Variants in ZNF518A observed in about 807,000 individuals in gnomAD.
ZNF518A encodes zinc finger protein 518.
ZNF518A carries 47 observed loss-of-function variants against 102.7 expected under a neutral mutation model. That is an observed-to-expected ratio of 0.46 (90% CI 0.36 to 0.58). The LOEUF (loss-of-function observed/expected upper bound fraction) is 0.58. ZNF518A is among the 20% of genes least tolerant of loss of function. The pLI, the probability that ZNF518A is intolerant of heterozygous loss-of-function variation, is 0.00. For synonymous variants in ZNF518A, 652 were observed against 594.6 expected (o/e 1.10, Z -1.40); for missense variants, 1,793 against 1,699.8 (o/e 1.05, Z -0.96).
At chr10:96,148,182 G>A (rs1335819655) in intron 3 of ZNF518A, among the ~76,000 whole-genome samples, 1 of 152,184 alleles carries the variant, frequency 6.6e-6, no homozygotes, top group Non-Finnish European at 1.5e-5. Context: ...GCTCACGCCT[G>A]TAATCCCAGC....
chr10:96,203,843 A>G, intron 2 of ZNF518A: 1 of 432,056 alleles, frequency 2.3e-6, no homozygotes, highest in Middle Eastern at 6.2e-4. Flanking sequence ...GCTACTAAAA[A>G]AAGTAAAAAT....
Position 96,158,757 on chromosome 10 carries a change from A to G in ZNF518A, c.2435A>G (p.His812Arg), listed in dbSNP as rs149606048. The G allele has an allele frequency of 6.1e-3, 9,883 of 1,613,452 alleles. 51 individuals are homozygous for G. The highest frequency in any genetic ancestry group is 7.2e-3 in the Non-Finnish European group (8,517 of 1,179,566). ...ACTCCAAATAAAGGCTTGCCACTTCATTGTGACCAGTCATTTCAAAAACAC... is the reference window on the plus strand; with the variant it reads ...ACTCCAAATAAAGGCTTGCCACTTCGTTGTGACCAGTCATTTCAAAAACAC... ...SNTPNKGLPL[H>R]CDQSFQKHER... The change falls in exon 6 of 6, where the codon CAT becomes CGT. Residue 812 changes from histidine (H) to arginine (R), a missense_variant. His to Arg is a conservative substitution (Grantham distance 29). This residue lies in a region of ZNF518A where 1,741 missense variants were observed against 1,622.6 expected (regional missense o/e 1.07). Transcript: ENST00000316045.
chr10:96,177,438 G>C (rs1353137237), intron 1 of ZNF518A, among the ~76,000 whole-genome samples: 2 of 152,160 alleles, frequency 1.3e-5, no homozygotes, highest in Non-Finnish European at 2.9e-5. Flanking sequence ...AAGGAATTAA[G>C]AGCACTGGAC....
At chr10:96,173,484 G>A (rs1386894990) in intron 1 of ZNF518A, among the ~76,000 whole-genome samples, 1 of 152,024 alleles carries the variant, frequency 6.6e-6, no homozygotes, top group Non-Finnish European at 1.5e-5. Context: ...TAGACTGAGG[G>A]GATGAAACAA....
At chr10:96,153,763 G>A (rs78407012) in intron 3 of ZNF518A, among the ~76,000 whole-genome samples, 5,939 of 152,214 alleles carry the variant, frequency 0.039, 163 homozygotes, top group Non-Finnish European at 0.06. Flanking sequence ...ATGAAAACTC[G>A]AGTAGCACAG....
At chr10:96,183,757 G>C (rs954093916) in intron 1 of ZNF518A, among the ~76,000 whole-genome samples, 2 of 152,220 alleles carry the variant, frequency 1.3e-5, no homozygotes, top group African/African-American at 4.8e-5. Flanking sequence ...TTTGGAATAA[G>C]TGCAATGTGG....
chr10:96,138,836 C>T (rs1184052541), intron 3 of ZNF518A, among the ~76,000 whole-genome samples: 2 of 151,386 alleles, frequency 1.3e-5, no homozygotes, highest in Admixed American at 6.6e-5. Flanking sequence ...ACTTATATTC[C>T]GGTGGTAGAG....
intron 3 of ZNF518A, among the ~76,000 whole-genome samples, chr10:96,145,359 C>T (rs11188626): frequency 0.24 from 36,479 of 152,180 alleles, 5,641 homozygotes; most frequent in Middle Eastern, 0.36. Flanking sequence ...CGTGAGCCAC[C>T]GCTCCTGGTC....
At position 96,157,272 on chromosome 10, in the gene ZNF518A, GAT is replaced by G; in HGVS notation, c.954_955del (p.Tyr318Ter). On this transcript the variant is annotated frameshift_variant, in exon 6 of 6. Coordinates refer to ENST00000316045, the MANE Select transcript of ZNF518A (RefSeq NM_001330736.2). LOFTEE classifies it high-confidence loss of function. Reference sequence around the variant, plus strand: ...GCAGGACTTAAGCTAATACTGAAAAGATATAAAATAGGTGCATCAAGGAAGAC... The same window carrying G: ...GCAGGACTTAAGCTAATACTGAAAAGATAAAATAGGTGCATCAAGGAAGAC... 1 of 1,611,976 alleles carries G rather than the reference GAT, an allele frequency of 6.2e-7. No homozygotes were observed. Among genetic ancestry groups the G allele is most frequent in the Non-Finnish European group, 8.5e-7 (1 of 1,179,036 alleles).
In ZNF518A at chr10:96,158,473, A is replaced by G. The variant is rs782620173; in HGVS notation, c.2151A>G (p.Glu717=). Residue 717 remains glutamate, a synonymous_variant, in exon 6 of 6, where the codon GAA becomes GAG. Coordinates refer to ENST00000316045, the MANE Select transcript of ZNF518A (RefSeq NM_001330736.2). ...DGTLKAKSEI[E]EQYVLEKGQN... ...CTTTAAAAGCAAAATCTGAAATTGA[A>G]GAACAGTATGTTTTAGAAAAAGGAC... is the stretch of plus-strand genomic sequence containing the variant. 1.2e-5 allele frequency: 19 copies of G among 1,612,536 alleles called. No homozygotes were observed. The Admixed American group carries it at 3.2e-4, about 27-fold the overall frequency.
chr10:96,158,339 G>A lies in ZNF518A; in HGVS notation c.2017G>A (p.Val673Ile). The change falls in exon 6 of 6, where the codon GTT (valine) becomes ATT (isoleucine). Residue 673 changes from valine (V) to isoleucine (I), a missense_variant. Val to Ile is a conservative substitution (Grantham distance 29, BLOSUM62 3). Transcript: ENST00000316045. The stretch of plus-strand genomic sequence containing the variant: ...AAGAGAATCTTCATCCAGCAAAACA[G>A]TTGTCCAACAACCAATTAGTGAATC... ...PQRESSSSKT[V>I]VQQPISESFL... The A allele has an allele frequency of 6.2e-7, 1 of 1,613,708 alleles. No individual in the cohort carries two copies. The highest frequency in any genetic ancestry group is 8.5e-7 in the Non-Finnish European group (1 of 1,179,748).
chr10:96,185,734 G>T (rs1206672973), intron 1 of ZNF518A, among the ~76,000 whole-genome samples: 1 of 152,156 alleles, frequency 6.6e-6, no homozygotes, highest in African/African-American at 2.4e-5. Flanking sequence ...GCCCCTACTG[G>T]GAGGTGTCTC....
chr10:96,134,422 C>T (rs1219183689), intron 3 of ZNF518A, among the ~76,000 whole-genome samples: 3 of 151,984 alleles, frequency 2.0e-5, no homozygotes, highest in African/African-American at 7.3e-5. Context: ...TTAGTGGAGA[C>T]GAGGCTTCGC....
intron 3 of ZNF518A, among the ~76,000 whole-genome samples, chr10:96,139,978 C>T (rs1372614294): frequency 6.6e-6 from 1 of 152,150 alleles, no homozygotes; most frequent in Non-Finnish European, 1.5e-5. Context: ...CCTGCCTCAG[C>T]CTCCTGAGTA....
At chr10:96,143,678 A>C (rs1171909109) in intron 3 of ZNF518A, among the ~76,000 whole-genome samples, 1 of 152,218 alleles carries the variant, frequency 6.6e-6, no homozygotes, top group Non-Finnish European at 1.5e-5. Flanking sequence ...CCTGGAATTC[A>C]AGAGTAGGAA....
intron 3 of ZNF518A, among the ~76,000 whole-genome samples, chr10:96,154,811 A>T (rs1016714273): frequency 1.3e-5 from 2 of 152,176 alleles, no homozygotes; most frequent in African/African-American, 4.8e-5. Flanking sequence ...TTACTGTATT[A>T]GTCATGGCAT....
chr10:96,175,763 A>G (rs1554891367), intron 1 of ZNF518A, among the ~76,000 whole-genome samples: 1 of 152,102 alleles, frequency 6.6e-6, no homozygotes, highest in Non-Finnish European at 1.5e-5. Context: ...GGAAGACCAT[A>G]TATTTGTCTT....
At chr10:96,154,574 G>C (rs1176903622) in intron 3 of ZNF518A, among the ~76,000 whole-genome samples, 3 of 151,934 alleles carry the variant, frequency 2.0e-5, no homozygotes, top group Admixed American at 1.3e-4. Flanking sequence ...CAAGTGCTCT[G>C]CTTGGCTAGT....
At position 96,174,831 on chromosome 10, in the gene ZNF518A, C is replaced by T. The variant is rs117179129; in HGVS notation, n.35+18784C>T. Among the ~76,000 whole-genome samples, 1,295 of 152,198 alleles carry T rather than the reference C, an allele frequency of 8.5e-3. 8 individuals carry two copies. The highest frequency in any genetic ancestry group is 0.042 in the South Asian group (204 of 4,820). On this transcript the variant is annotated intron_variant and non_coding_transcript_variant, in intron 1 of 2. Coordinates refer to the ZNF518A transcript ENST00000442635. ...ATATTGAATGTTTGAGTCCCCCACT[C>T]CCCCAAATGCATATGTTGGTGCTTT...
Sources: gnomAD v4.1 joint callset for allele counts (sites outside exome capture counted in the v4.1 genomes callset) on GRCh38, gnomAD v4.1.1 for gene constraint, gnomAD v4.1.1 regional missense constraint, MANE v1.5 for transcripts, NCBI Gene and HGNC (gene_info 2026-07-23, HGNC 2026-07-21) for gene names.